MYO7B: variants seen among roughly 807,000 people sequenced by gnomAD.
The protein encoded by MYO7B is myosin VIIB.
In MYO7B, 212 loss-of-function variants were observed where a neutral mutation model predicts 259.7. That is an observed-to-expected ratio of 0.82 (90% CI 0.73 to 0.91). MYO7B has a LOEUF of 0.91. Ranked by LOEUF, MYO7B falls within the 40% of genes least tolerant of loss-of-function variation. The pLI is 0.00. For missense variants in MYO7B, 2,732 were observed against 2,813.5 expected, an observed-to-expected ratio of 0.97 and a Z score of 0.66; for synonymous variants, 1,197 against 1,166.4, an observed-to-expected ratio of 1.03 and a Z score of -0.54.
At chr2:127,575,660 G>A (rs1370756653) in intron 7 of MYO7B, among the ~76,000 whole-genome samples, 2 of 152,124 alleles carry the variant, frequency 1.3e-5, no homozygotes, top group Non-Finnish European at 2.9e-5. Flanking sequence ...GTTCTGGGGC[G>A]GGGAGGAGGG....
chr2:127,607,468 G>T lies in MYO7B; in HGVS notation c.2643+44G>T. 6.5e-7 allele frequency: 1 copy of T among 1,529,770 alleles called. No individual in the cohort carries two copies. Among genetic ancestry groups the T allele is most frequent in the Non-Finnish European group, 8.8e-7 (1 of 1,131,268 alleles). The allele number at this position is 1,529,770 out of a possible 1,614,324, so 94.8% of individuals were successfully genotyped here. On this transcript the variant is annotated intron_variant, in intron 21 of 47. Transcript: ENST00000409816. This position sits in a 1 kb window ranked among gnomAD's most constrained non-coding sequence, Gnocchi z 4.4. The stretch of plus-strand genomic sequence containing the variant: ...TCTTGGGCAGGTGGGGCTGGCTGGG[G>T]CCCCAGTGGGTGAGGGCAAGAAGGA...
chr2:127,637,382 CG>C lies in MYO7B; in HGVS notation c.6398del (p.Gly2133AlafsTer26). On this transcript the variant is annotated frameshift_variant, in exon 48 of 48. Transcript: ENST00000409816. LOFTEE classifies it low-confidence loss of function (END_TRUNC). Reference protein sequence around the residue: ...QQLLSAMNKQRGSKAPALAST With the variant: ...QQLLSAMNKQXGSKAPALAST ...GCTCCTGAGTGCCATGAACAAGCAG[CG>C]GGGCTCCAAGGCCCCAGCCCTGGCC... is the stretch of plus-strand genomic sequence containing the variant. 6.4e-7 allele frequency: 1 copy of C among 1,573,030 alleles called. No homozygotes were observed. Among genetic ancestry groups the C allele is most frequent in the Non-Finnish European group, 8.6e-7 (1 of 1,158,740 alleles).
rs116321571 is a variant in MYO7B, at chr2:127,585,115, C to G, written c.1690+202C>G. 1.3e-5 allele frequency among the ~76,000 whole-genome samples: 2 copies of G among 152,166 alleles called. No homozygotes were observed. Among genetic ancestry groups the G allele is most frequent in the African/African-American group, 4.8e-5 (2 of 41,440 alleles). Reference sequence around the variant, plus strand: ...GTTTCTGGTAATAACTCTGTTGAGACATAATTCACATACCATGTTATTTAC... The same window carrying G: ...GTTTCTGGTAATAACTCTGTTGAGAGATAATTCACATACCATGTTATTTAC... On this transcript the variant is annotated intron_variant, in intron 14 of 47. Transcript: ENST00000409816. The surrounding 1 kb of genome is among the most constrained non-coding windows in gnomAD (Gnocchi z 4.3).
At chr2:127,561,400 A>C (rs1390866787) in intron 2 of MYO7B, among the ~76,000 whole-genome samples, 1 of 151,940 alleles carries the variant, frequency 6.6e-6, no homozygotes, top group Non-Finnish European at 1.5e-5. Context: ...CTGGGACTAC[A>C]GGCACCCACC....
chr2:127,565,508 G>A (rs188945523), intron 4 of MYO7B, 123 bp downstream of exon 4: 11 of 1,319,554 alleles, frequency 8.3e-6, no homozygotes, highest in East Asian at 5.0e-5. Flanking sequence ...GGAGGTGGGC[G>A]AGGTGCCTAA....
intron 43 of MYO7B, 39 bp downstream of exon 43, chr2:127,635,265 C>T: frequency 6.5e-7 from 1 of 1,536,902 alleles, no homozygotes; most frequent in African/African-American, 1.4e-5. Flanking sequence ...TGGGGCCACC[C>T]CCATCTTCCC....
chr2:127,602,675 C>A (rs1680007975), intron 19 of MYO7B, among the ~76,000 whole-genome samples: 1 of 151,396 alleles, frequency 6.6e-6, no homozygotes, highest in Admixed American at 6.6e-5. Flanking sequence ...AGAAAGGAAA[C>A]AACAACAACA....
Position 127,636,505 on chromosome 2 carries a change from T to C in MYO7B, c.6124-40T>C. ...AGCTCCTGGGAGGTGCAGCCTGGCC[T>C]CCCGGGCTGGACTATGACCGCCGTG... On this transcript the variant is annotated intron_variant, in intron 45 of 47. Transcript: ENST00000409816. The surrounding 1 kb of genome is among the most constrained non-coding windows in gnomAD (Gnocchi z 4.5). 6.3e-7 allele frequency: 1 copy of C among 1,579,570 alleles called. No homozygotes were observed. Among genetic ancestry groups the C allele is most frequent in the Non-Finnish European group, 8.6e-7 (1 of 1,159,780 alleles).
chr2:127,594,820 A>C (rs1679701864), intron 18 of MYO7B, among the ~76,000 whole-genome samples: 1 of 152,228 alleles, frequency 6.6e-6, no homozygotes, highest in South Asian at 2.1e-4. Context: ...CTGGGGATGA[A>C]GCCAACTTGA....
chr2:127,625,484 G>C lies in MYO7B; in HGVS notation c.4164G>C (p.Arg1388Ser), dbSNP rs778926252. The C allele has an allele frequency of 1.1e-5, 17 of 1,611,544 alleles. No homozygotes were observed. The African/African-American group carries it at 2.1e-4, about 20-fold the overall frequency. The change falls in exon 31 of 48, where the codon AGG (arginine) becomes AGC (serine). Residue 1388 changes from arginine to serine, a missense_variant. Physicochemically the swap from Arg to Ser is moderately radical, Grantham distance 110. Around this residue, in one of 3 missense-constraint regions of MYO7B, gnomAD observed 1,906 missense variants for 2,026.4 expected, o/e 0.94. Coordinates refer to ENST00000409816, the MANE Select transcript of MYO7B (RefSeq NM_001393586.1). Reference sequence around the variant, plus strand: ...GCTGCATCCCCCACAAGCTGTACAGGACCAAGCCCCCAGACAGGTGGGCGA... The same window carrying C: ...GCTGCATCCCCCACAAGCTGTACAGCACCAAGCCCCCAGACAGGTGGGCGA... ...LPSCIPHKLYRTKPPDRWASL... is the reference protein window; with the variant it reads ...LPSCIPHKLYSTKPPDRWASL...
At chr2:127,587,985 G>A (rs1303429868) in intron 14 of MYO7B, among the ~76,000 whole-genome samples, 1 of 152,226 alleles carries the variant, frequency 6.6e-6, no homozygotes, top group Non-Finnish European at 1.5e-5. Context: ...ATGTTCTGAT[G>A]TATAGGGTGT....
chr2:127,550,431 T>C (rs944200713), intron 1 of MYO7B, among the ~76,000 whole-genome samples: 1 of 151,924 alleles, frequency 6.6e-6, no homozygotes, highest in Non-Finnish European at 1.5e-5. Flanking sequence ...CCAGGCATGG[T>C]GGAGCATGCC....
In MYO7B at chr2:127,562,482, G is replaced by GTT. The variant is rs56290548; in HGVS notation, c.19-1648_19-1647dup. ...CAGCTAATTTTTGTGGGGTTTTATTGTTTTTTTTTTTTTTTTTTTTTTTTG... is the reference window on the plus strand; with the variant it reads ...CAGCTAATTTTTGTGGGGTTTTATTGTTTTTTTTTTTTTTTTTTTTTTTTTTG... On this transcript the variant is annotated intron_variant, in intron 2 of 47. Coordinates refer to ENST00000409816, the MANE Select transcript of MYO7B (RefSeq NM_001393586.1). 5.9e-3 allele frequency among the ~76,000 whole-genome samples: 360 copies of GTT among 61,182 alleles called. 10 individuals are homozygous for GTT. Among genetic ancestry groups the GTT allele is most frequent in the Middle Eastern group, 0.034 (2 of 58 alleles). 40.1% of individuals were successfully genotyped at this position (61,182 alleles called of 152,430 possible). A position where few individuals can be genotyped will look rare whatever the true frequency, so the allele number is the denominator to read the frequency against.
intron 27 of MYO7B, among the ~76,000 whole-genome samples, chr2:127,621,260 T>TTTTG (rs1305453323): frequency 6.6e-6 from 1 of 151,032 alleles, no homozygotes; most frequent in Non-Finnish European, 1.5e-5. Context: ...GCAATTTTTT[T>TTTTG]TTTTGTTTTT....
chr2:127,623,511 C>G (rs1243696735), intron 29 of MYO7B, 136 bp downstream of exon 29: 2 of 927,650 alleles, frequency 2.2e-6, no homozygotes, highest in African/African-American at 1.7e-5. Flanking sequence ...ACTGCTTACC[C>G]TCCCAGCCAC....
intron 5 of MYO7B, among the ~76,000 whole-genome samples, chr2:127,568,774 G>A (rs1424755873): frequency 6.6e-6 from 1 of 151,952 alleles, no homozygotes; most frequent in African/African-American, 2.4e-5. Context: ...GCCGACGCCT[G>A]TAATCTCAGC....
At position 127,613,861 on chromosome 2, in the gene MYO7B, G is replaced by A. The variant is rs1244384244; in HGVS notation, c.3398+1258G>A. Among the ~76,000 whole-genome samples the A allele has an allele frequency of 6.6e-6, 1 of 152,204 alleles. No homozygotes were observed. On this transcript the variant is annotated intron_variant, in intron 26 of 47. Transcript: ENST00000409816. This position sits in a 1 kb window ranked among gnomAD's most constrained non-coding sequence, Gnocchi z 4.3. The stretch of plus-strand genomic sequence containing the variant: ...ACCTGGAGTCTGCCCCACCATGTGT[G>A]TCAGGGGGCAACCAGAGATTTGGGA...
chr2:127,571,919 A>C (rs941405385), intron 6 of MYO7B, among the ~76,000 whole-genome samples: 4 of 151,952 alleles, frequency 2.6e-5, no homozygotes. Flanking sequence ...AGAAGTTTTA[A>C]ATTTTGATGA....
intron 2 of MYO7B, among the ~76,000 whole-genome samples, chr2:127,563,665 C>G (rs1187938174): frequency 6.6e-6 from 1 of 152,150 alleles, no homozygotes; most frequent in Non-Finnish European, 1.5e-5. Context: ...GAACTTTGCC[C>G]TCTCTTTCTG....
Sources: allele counts gnomAD v4.1 joint callset (sites outside exome capture counted in the v4.1 genomes callset), GRCh38; gene constraint gnomAD v4.1.1; regional missense constraint gnomAD v4.1.1; non-coding constraint Gnocchi (gnomAD v3.1); transcripts MANE v1.5; gene names NCBI Gene and HGNC (gene_info 2026-07-23, HGNC 2026-07-21).